Variants in GRM5 observed in about 807,000 individuals in gnomAD.
The protein encoded by GRM5 is glutamate metabotropic receptor 5, also known as metabotropic glutamate receptor 5.
GRM5 carries 19 observed loss-of-function variants against 83.1 expected under a neutral mutation model. The ratio of observed to expected loss-of-function variants is 0.23; its 90% CI spans 0.16 to 0.34. The LOEUF (loss-of-function observed/expected upper bound fraction) is 0.34, where lower values mean the gene tolerates loss of function less well. Among genes scored for constraint, GRM5 ranks in the 10% least tolerant of loss-of-function variants. GRM5 has a pLI of 1.00. For synonymous variants in GRM5, 675 were observed against 633.6 expected (o/e 1.07, Z -0.98); for missense variants, 1,160 against 1,588.3 (o/e 0.73, Z 4.58).
At position 88,754,694 on chromosome 11, in the gene GRM5, G is replaced by C. The variant is rs567490862; in HGVS notation, c.911+95212C>G. 3.3e-5 allele frequency among the ~76,000 whole-genome samples: 5 copies of C among 152,152 alleles called. No individual in the cohort carries two copies. In the South Asian group the frequency reaches 6.2e-4, roughly 19 times the overall value. ...TTTTTTGAGAATTATAAGTGCATAT[G>C]TGAGGGTCTGTATGTATCTGTGTTC... On this transcript the variant is annotated intron_variant, in intron 3 of 9. Transcript: ENST00000305447.
At chr11:88,925,647 C>G (rs1945776130) in intron 2 of GRM5, 7 of 417,868 alleles carry the variant, frequency 1.7e-5, no homozygotes, top group Non-Finnish European at 3.3e-5. Flanking sequence ...TGGGGTGGCT[C>G]ATGCCCATAA....
At chr11:89,054,459 G>C (rs929619493) in intron 1 of GRM5, among the ~76,000 whole-genome samples, 4 of 152,158 alleles carry the variant, frequency 2.6e-5, no homozygotes, top group Non-Finnish European at 5.9e-5. Context: ...CTCAAGAAGA[G>C]ATCATTGAAT....
chr11:88,846,089 C>G (rs965584016), intron 3 of GRM5, among the ~76,000 whole-genome samples: 35 of 152,164 alleles, frequency 2.3e-4, no homozygotes, highest in African/African-American at 7.9e-4. Context: ...AGTACATTTC[C>G]TTTTTGTGGC....
intron 2 of GRM5, among the ~76,000 whole-genome samples, chr11:88,935,791 T>C (rs1937873970): frequency 6.6e-6 from 1 of 151,972 alleles, no homozygotes; most frequent in East Asian, 1.9e-4. Flanking sequence ...GTTCATATAT[T>C]ATTTCCCGTT....
At chr11:88,777,317 T>A (rs539126088) in intron 3 of GRM5, among the ~76,000 whole-genome samples, 1 of 152,234 alleles carries the variant, frequency 6.6e-6, no homozygotes, top group Admixed American at 6.5e-5. Flanking sequence ...CTATGCTGTT[T>A]ATTCTAGCTA....
At chr11:89,000,835 T>C (rs560534426) in intron 2 of GRM5, among the ~76,000 whole-genome samples, 3 of 151,906 alleles carry the variant, frequency 2.0e-5, no homozygotes, top group Non-Finnish European at 4.4e-5. Context: ...ATCTAGAATA[T>C]AGAAAGACTT....
intron 9 of GRM5, among the ~76,000 whole-genome samples, chr11:88,510,834 G>T (rs191128393): frequency 3.9e-5 from 6 of 152,180 alleles, no homozygotes; most frequent in African/African-American, 1.4e-4. Context: ...TATATGAAGA[G>T]ATTCTGGTGT....
intron 2 of GRM5, among the ~76,000 whole-genome samples, chr11:88,881,156 A>T (rs10160510): frequency 0.21 from 31,435 of 151,742 alleles, 4,388 homozygotes; most frequent in Non-Finnish European, 0.31. Context: ...TTAAAAAAAA[A>T]ATATTATTAA....
intron 3 of GRM5, among the ~76,000 whole-genome samples, chr11:88,731,446 C>A (rs1236084947): frequency 6.6e-6 from 1 of 152,054 alleles, no homozygotes; most frequent in Non-Finnish European, 1.5e-5. Flanking sequence ...CCAGTGCAGA[C>A]CAATTATATC....
At chr11:88,588,508 T>C (rs558532916) in intron 7 of GRM5, among the ~76,000 whole-genome samples, 14 of 152,134 alleles carry the variant, frequency 9.2e-5, no homozygotes, top group Non-Finnish European at 1.8e-4. Context: ...TATTTAAATA[T>C]GAGATGATGA....
In GRM5 at chr11:88,504,692, CAT is replaced by C. The variant is rs1019974156; in HGVS notation, c.*3898_*3899del. The C allele has an allele frequency of 9.2e-5, 14 of 151,992 alleles. No individual in the cohort carries two copies. The highest frequency in any genetic ancestry group is 3.4e-4 in the African/African-American group (14 of 41,496). The allele number at this position is 151,992 out of a possible 1,614,324, so 9.4% of individuals were successfully genotyped here. A position where few individuals can be genotyped will look rare whatever the true frequency, so the allele number is the denominator to read the frequency against. ...TATATTTTGAAGTGCTAAAATAAAA[CAT>C]ATTTATACAAGTACAAAGCAAAACA... On this transcript the variant is annotated 3_prime_UTR_variant, in exon 10 of 10. Coordinates refer to ENST00000305447, the MANE Select transcript of GRM5 (RefSeq NM_001143831.3).
chr11:88,944,570 T>A (rs1201987441), intron 2 of GRM5, among the ~76,000 whole-genome samples: 2 of 151,974 alleles, frequency 1.3e-5, no homozygotes, highest in Non-Finnish European at 2.9e-5. Flanking sequence ...ATGACTCAAT[T>A]TTATTAACTA....
chr11:88,613,397 T>C (rs1264929332), intron 4 of GRM5, among the ~76,000 whole-genome samples: 1 of 152,222 alleles, frequency 6.6e-6, no homozygotes, highest in Non-Finnish European at 1.5e-5. Flanking sequence ...TGGATACATA[T>C]ACATTTAGGA....
In GRM5 at chr11:88,578,835, C is replaced by G. The variant is rs1370690452; in HGVS notation, c.1691-10843G>C. ...TTGTTTTTAGTGCTAACTGAAACAA[C>G]TTTATCAAGCTAACTGTTTGAAAAA... is the stretch of plus-strand genomic sequence containing the variant. On this transcript the variant is annotated intron_variant, in intron 7 of 9. Transcript: ENST00000305447. 2.0e-5 allele frequency among the ~76,000 whole-genome samples: 3 copies of G among 151,752 alleles called. 1 individual carries two copies. The Middle Eastern group carries it at 0.01, about 520-fold the overall frequency.
chr11:88,852,358 C>A (rs7938096), intron 2 of GRM5, among the ~76,000 whole-genome samples: 2 of 151,866 alleles, frequency 1.3e-5, no homozygotes, highest in South Asian at 4.1e-4. Flanking sequence ...TGCTTAATAT[C>A]CAGATATTTT....
At chr11:88,935,943 C>T (rs922872149) in intron 2 of GRM5, among the ~76,000 whole-genome samples, 2 of 151,880 alleles carry the variant, frequency 1.3e-5, no homozygotes, top group African/African-American at 2.4e-5. Flanking sequence ...TAATCCTAGT[C>T]CCTTTGACAA....
At chr11:88,996,634 A>G (rs1052306301) in intron 2 of GRM5, among the ~76,000 whole-genome samples, 6 of 152,244 alleles carry the variant, frequency 3.9e-5, no homozygotes, top group Admixed American at 3.9e-4. Flanking sequence ...TAAAATCAGT[A>G]AGGATATAGA....
chr11:88,925,995 A>T (rs1183750926), intron 2 of GRM5, among the ~76,000 whole-genome samples: 2 of 152,130 alleles, frequency 1.3e-5, no homozygotes, highest in Admixed American at 6.6e-5. Context: ...AGCTAGGTAC[A>T]CTCTTAAAGG....
chr11:88,637,697 A>G (rs550118579), intron 4 of GRM5, among the ~76,000 whole-genome samples: 2 of 146,808 alleles, frequency 1.4e-5, no homozygotes, highest in South Asian at 4.8e-4. Context: ...ACACTTTTAC[A>G]CTGTTGGTGG....
Sources: allele counts gnomAD v4.1 joint callset (sites outside exome capture counted in the v4.1 genomes callset), GRCh38; gene constraint gnomAD v4.1.1; transcripts MANE v1.5; gene names NCBI Gene and HGNC (gene_info 2026-07-23, HGNC 2026-07-21).